The following MARCHF1 variants were observed in gnomAD, a reference collection of about 807,000 sequenced individuals.
MARCHF1 encodes the protein E3 ubiquitin-protein ligase MARCHF1.
MARCHF1 carries 40 observed loss-of-function variants against 54.2 expected under a neutral mutation model. The observed-to-expected ratio is 0.74, with a 90% CI of 0.57 to 0.96. MARCHF1 has a LOEUF of 0.96. MARCHF1 is among the 40% of genes least tolerant of loss of function. MARCHF1 has a pLI of 0.00. For synonymous variants in MARCHF1, 236 were observed against 236.3 expected (o/e 1.00, Z 0.01); for missense variants, 586 against 656.5 (o/e 0.89, Z 1.17).
intron 2 of MARCHF1, among the ~76,000 whole-genome samples, chr4:164,036,328 A>G (rs963577066): frequency 5.3e-5 from 8 of 152,072 alleles, no homozygotes; most frequent in African/African-American, 1.4e-4. Flanking sequence ...TTTCTATACT[A>G]CAATTGGAGA....
At chr4:163,825,604 T>C (rs1307937517) in intron 4 of MARCHF1, among the ~76,000 whole-genome samples, 1 of 152,060 alleles carries the variant, frequency 6.6e-6, no homozygotes, top group East Asian at 1.9e-4. Flanking sequence ...TGCCAGCATC[T>C]GCTACTTTTT....
chr4:163,716,080 G>T (rs755040237), intron 4 of MARCHF1, among the ~76,000 whole-genome samples: 5 of 152,116 alleles, frequency 3.3e-5, no homozygotes, highest in Non-Finnish European at 7.4e-5. Context: ...TTATTACCAG[G>T]AAAATCCATA....
chr4:163,923,581 A>G lies in MARCHF1; in HGVS notation c.-39+64920T>C, dbSNP rs529839666. On this transcript the variant is annotated intron_variant, in intron 3 of 9. Coordinates refer to ENST00000514618, the MANE Select transcript of MARCHF1 (RefSeq NM_001394959.1). ...GAAGAAGGATACTATCTTATATGCT[A>G]TCTCACTCCAGTGAGCCTAAGATCA... 6.6e-4 allele frequency among the ~76,000 whole-genome samples: 101 copies of G among 152,232 alleles called. 1 individual carries two copies. Among genetic ancestry groups the G allele is most frequent in the African/African-American group, 2.3e-3 (96 of 41,576 alleles).
At chr4:163,535,406 CA>C (rs1171968067) in intron 9 of MARCHF1, among the ~76,000 whole-genome samples, 2 of 152,002 alleles carry the variant, frequency 1.3e-5, no homozygotes, top group Non-Finnish European at 2.9e-5. Flanking sequence ...TATTTCATGC[CA>C]AAGGTGAGCT....
downstream of MARCHF1, chr4:163,524,373 C>T (rs1738030801): frequency 6.6e-6 from 1 of 152,146 alleles, no homozygotes; most frequent in Non-Finnish European, 1.5e-5. Context: ...ATTATCCATG[C>T]AATTATCTGA....
intron 1 of MARCHF1, among the ~76,000 whole-genome samples, chr4:164,375,341 A>G (rs975408974): frequency 1.3e-5 from 2 of 152,174 alleles, no homozygotes; most frequent in East Asian, 3.8e-4. Flanking sequence ...AAAATATATA[A>G]ATTTTATAAC....
chr4:163,871,524 C>A lies in MARCHF1; in HGVS notation c.-38-17355G>T, dbSNP rs142563059. Among the ~76,000 whole-genome samples, 315 of 152,186 alleles carry A rather than the reference C, an allele frequency of 2.1e-3. 1 individual carries two copies. Among genetic ancestry groups the A allele is most frequent in the African/African-American group, 7.3e-3 (303 of 41,500 alleles). On this transcript the variant is annotated intron_variant, in intron 3 of 9. Transcript: ENST00000514618. Reference sequence around the variant, plus strand: ...AACTGTATATACAAGTCTTTGCCTGCTAGAGAATTTCATAATAAAAAGCAT... The same window carrying A: ...AACTGTATATACAAGTCTTTGCCTGATAGAGAATTTCATAATAAAAAGCAT...
At chr4:163,543,186 G>A (rs1382388125) in intron 9 of MARCHF1, among the ~76,000 whole-genome samples, 1 of 152,166 alleles carries the variant, frequency 6.6e-6, no homozygotes, top group Non-Finnish European at 1.5e-5. Flanking sequence ...TTACATTACT[G>A]AGCATGGGTT....
At chr4:164,177,810 C>T (rs574019714) in intron 1 of MARCHF1, among the ~76,000 whole-genome samples, 3 of 120,872 alleles carry the variant, frequency 2.5e-5, no homozygotes, top group East Asian at 4.5e-4. Flanking sequence ...GAAAGAGACA[C>T]ACACACACAC....
intron 3 of MARCHF1, among the ~76,000 whole-genome samples, chr4:163,905,337 T>C (rs1328759082): frequency 1.3e-5 from 2 of 152,148 alleles, no homozygotes; most frequent in Non-Finnish European, 2.9e-5. Flanking sequence ...AATGATCTAT[T>C]TGAGCCACAT....
chr4:164,164,294 AGTTAGT>A (rs2110952021), intron 1 of MARCHF1, among the ~76,000 whole-genome samples: 1 of 152,092 alleles, frequency 6.6e-6, no homozygotes, highest in East Asian at 1.9e-4. Context: ...ATAGACCAAA[AGTTAGT>A]GCTTTGAAAA....
chr4:164,197,306 G>T, intron 1 of MARCHF1: 1 of 1,611,970 alleles, frequency 6.2e-7, no homozygotes, highest in Non-Finnish European at 8.5e-7. Context: ...GTGAGTTGCA[G>T]GAGAAGCTTG....
At chr4:163,602,306 C>T (rs534092770) in intron 7 of MARCHF1, among the ~76,000 whole-genome samples, 9 of 152,082 alleles carry the variant, frequency 5.9e-5, no homozygotes, top group South Asian at 4.1e-4. Context: ...ACAACTGCAG[C>T]GATTAAAATT....
intron 1 of MARCHF1, among the ~76,000 whole-genome samples, chr4:164,234,485 ACTC>A (rs1418370032): frequency 6.6e-6 from 1 of 152,058 alleles, no homozygotes; most frequent in African/African-American, 2.4e-5. Context: ...ATTTATTGAC[ACTC>A]CTATGATAGA....
At chr4:163,620,654 C>CACAA (rs1345839206) in intron 5 of MARCHF1, among the ~76,000 whole-genome samples, 18 of 149,524 alleles carry the variant, frequency 1.2e-4, no homozygotes, top group Admixed American at 1.2e-3. Flanking sequence ...GAGACACGCA[C>CACAA]ACACACACAC....
chr4:164,122,887 A>G (rs6815008), intron 1 of MARCHF1, among the ~76,000 whole-genome samples: 74,624 of 151,446 alleles, frequency 0.49, 18,695 homozygotes, highest in South Asian at 0.6. Flanking sequence ...AAGGATGCCC[A>G]CTATCACCAC....
intron 8 of MARCHF1, chr4:163,584,885 G>T (rs1264329690): frequency 6.6e-6 from 1 of 152,126 alleles, no homozygotes; most frequent in African/African-American, 2.4e-5. Flanking sequence ...TTAAACTGTG[G>T]TCTTCATACT....
intron 1 of MARCHF1, among the ~76,000 whole-genome samples, chr4:164,150,115 T>C (rs542072821): frequency 6.6e-6 from 1 of 152,318 alleles, no homozygotes; most frequent in East Asian, 1.9e-4. Context: ...GTGCACACAA[T>C]TAGAAAGTGA....
At chr4:164,255,699 T>C (rs1489242619) in intron 1 of MARCHF1, among the ~76,000 whole-genome samples, 1 of 152,024 alleles carries the variant, frequency 6.6e-6, no homozygotes, top group Non-Finnish European at 1.5e-5. Flanking sequence ...ACAAAAAAAG[T>C]CAAATGATAT....
Sources: allele counts gnomAD v4.1 joint callset (sites outside exome capture counted in the v4.1 genomes callset), GRCh38; gene constraint gnomAD v4.1.1; transcripts MANE v1.5; gene names NCBI Gene and HGNC (gene_info 2026-07-23, HGNC 2026-07-21).